Variants in CROT observed in about 807,000 individuals in gnomAD.
The protein encoded by CROT is carnitine O-octanoyltransferase.
In CROT, 84 loss-of-function variants were observed where a neutral mutation model predicts 89.2. That is an observed-to-expected ratio of 0.94 (90% CI 0.79 to 1.13). The LOEUF (loss-of-function observed/expected upper bound fraction) is 1.13. Ranked by LOEUF, CROT falls within the 50% of genes most tolerant of loss-of-function variation. CROT has a pLI of 0.00. For synonymous variants in CROT, 212 were observed against 239.5 expected, an observed-to-expected ratio of 0.89 and a Z score of 1.06; for missense variants, 711 against 727.8, an observed-to-expected ratio of 0.98 and a Z score of 0.27.
At position 87,375,663 on chromosome 7, in the gene CROT, A is replaced by G. The variant is rs1434077168; in HGVS notation, c.688A>G (p.Ser230Gly). The stretch of plus-strand genomic sequence containing the variant: ...GACATATATCCACAAGAAGTGCCAT[A>G]GTGAACCTGATGGACCTGGGATTGC... ...QLTYIHKKCHSEPDGPGIAAL... is the reference protein window; with the variant it reads ...QLTYIHKKCHGEPDGPGIAAL... The change falls in exon 8 of 18, where the codon AGT becomes GGT. Residue 230 changes from serine (S) to glycine (G), a missense_variant. Ser to Gly is a moderately conservative substitution (Grantham distance 56). Coordinates refer to ENST00000331536, the MANE Select transcript of CROT (RefSeq NM_021151.4). 1.2e-6 allele frequency: 2 copies of G among 1,613,432 alleles called. No individual in the cohort carries two copies. The highest frequency in any genetic ancestry group is 1.7e-6 in the Non-Finnish European group (2 of 1,179,424).
chr7:87,361,724 A>G lies in CROT; in HGVS notation c.423-4A>G. On this transcript the variant is annotated splice_polypyrimidine_tract_variant and splice_region_variant and intron_variant, in intron 5 of 17. Coordinates refer to ENST00000331536, the MANE Select transcript of CROT (RefSeq NM_021151.4). ...CTTTTTGATCAAAATCCTTTTTTTA[A>G]TAGAGAAAAAGTGCCTGTTCATAAA... 7 of 1,568,590 alleles carry G rather than the reference A, an allele frequency of 4.5e-6. No homozygotes were observed. Among genetic ancestry groups the G allele is most frequent in the Non-Finnish European group, 6.0e-6 (7 of 1,162,934 alleles).
intron 7 of CROT, among the ~76,000 whole-genome samples, chr7:87,372,063 T>C (rs2115903781): frequency 6.7e-6 from 1 of 149,728 alleles, no homozygotes; most frequent in Non-Finnish European, 1.5e-5. Context: ...TGAAAAATGG[T>C]TTTCATTGTT....
At chr7:87,384,678 C>A (rs567738375) in intron 13 of CROT, among the ~76,000 whole-genome samples, 1 of 152,238 alleles carries the variant, frequency 6.6e-6, no homozygotes, top group African/African-American at 2.4e-5. Context: ...CTGTGGGCTG[C>A]TGATTGTTTC....
rs904460682 is a variant in CROT, at chr7:87,389,443, A to C, written c.1302-2146A>C. Among the ~76,000 whole-genome samples, 71 of 152,356 alleles carry C rather than the reference A, an allele frequency of 4.7e-4. 1 individual carries two copies. Among genetic ancestry groups the C allele is most frequent in the Non-Finnish European group, 2.2e-4 (15 of 68,044 alleles). ...ATACACCATGGAATACTATGCAGCC[A>C]TAAAAGAGGATGAGTTCATGTCCTT... On this transcript the variant is annotated intron_variant, in intron 13 of 17. Coordinates refer to ENST00000331536, the MANE Select transcript of CROT (RefSeq NM_021151.4).
At chr7:87,355,250 C>T (rs1293957430) in intron 3 of CROT, among the ~76,000 whole-genome samples, 1 of 151,982 alleles carries the variant, frequency 6.6e-6, no homozygotes, top group Non-Finnish European at 1.5e-5. Context: ...TAGACATGTA[C>T]CACCACACCA....
Position 87,372,846 on chromosome 7 carries a change from A to C in CROT, c.657-2786A>C, listed in dbSNP as rs527538418. Among the ~76,000 whole-genome samples the C allele has an allele frequency of 3.9e-5, 6 of 152,190 alleles. 1 individual carries two copies. The South Asian group carries it at 8.3e-4, about 21-fold the overall frequency. On this transcript the variant is annotated intron_variant, in intron 7 of 17. Transcript: ENST00000331536. ...ACAGATATGCCACATTTTATTAACT[A>C]TTCATCAGTTGATGGACATTTGAGT...
chr7:87,366,370 C>T (rs1339695065), intron 6 of CROT, among the ~76,000 whole-genome samples: 1 of 152,094 alleles, frequency 6.6e-6, no homozygotes, highest in East Asian at 1.9e-4. Context: ...AAAAAAAATG[C>T]CTTCAGGTTA....
Position 87,398,449 on chromosome 7 carries a change from T to TA in CROT, c.1719-72dup, listed in dbSNP as rs1313460220. The stretch of plus-strand genomic sequence containing the variant: ...TTCATGTATGAATATCCAGATGAAA[T>TA]AAAGTCCTGGTTGTATTCACCATCA... On this transcript the variant is annotated intron_variant, in intron 17 of 17. Transcript: ENST00000331536. The TA allele has an allele frequency of 2.3e-5, 35 of 1,547,612 alleles. No individual in the cohort carries two copies. The Middle Eastern group carries it at 5.1e-4, about 22-fold the overall frequency.
Position 87,390,237 on chromosome 7 carries a change from C to A in CROT, c.1302-1352C>A, listed in dbSNP as rs73196430. Among the ~76,000 whole-genome samples, 1,206 of 152,254 alleles carry A rather than the reference C, an allele frequency of 7.9e-3. 8 individuals are homozygous for A. Among genetic ancestry groups the A allele is most frequent in the Middle Eastern group, 0.034 (10 of 294 alleles). ...TCCAATAGTTAATGCTCTTTGCTTT[C>A]TACTCCATCTTTTAAGATTAAGAGT... On this transcript the variant is annotated intron_variant, in intron 13 of 17. Transcript: ENST00000331536.
rs1805715294 is a variant in CROT at position 87,347,282 on chromosome 7, G to C, written c.-22+852G>C. On this transcript the variant is annotated intron_variant, in intron 2 of 17. Transcript: ENST00000331536. ...GGGGATTAGCAGGGGTGGAATCTTG[G>C]GGGCCATTCATAGTAATTGTGCCTA... 2.6e-5 allele frequency among the ~76,000 whole-genome samples: 4 copies of C among 152,286 alleles called. No individual in the cohort carries two copies. The South Asian group carries it at 8.3e-4, about 32-fold the overall frequency.
At position 87,391,445 on chromosome 7, in the gene CROT, G is replaced by T. The variant is rs563253016; in HGVS notation, c.1302-144G>T. 1.3e-5 allele frequency: 9 copies of T among 700,708 alleles called. No individual in the cohort carries two copies. The African/African-American group carries it at 1.5e-4, about 12-fold the overall frequency. The allele number at this position is 700,708 out of a possible 1,614,324, so 43.4% of individuals were successfully genotyped here. ...TTTTGCTCTTTGGTATTGGAAATAG[G>T]CTCTTTTTTGTTGAAAGTCTCCAAC... On this transcript the variant is annotated intron_variant, in intron 13 of 17. Transcript: ENST00000331536.
rs182580937 is a variant in CROT at position 87,353,178 on chromosome 7, C to T, written c.115+3995C>T. Among the ~76,000 whole-genome samples, 165 of 151,676 alleles carry T rather than the reference C, an allele frequency of 1.1e-3. 1 individual carries two copies. The highest frequency in any genetic ancestry group is 3.9e-3 in the African/African-American group (161 of 41,332). On this transcript the variant is annotated intron_variant, in intron 3 of 17. Coordinates refer to ENST00000331536, the MANE Select transcript of CROT (RefSeq NM_021151.4). ...TTCTTTTTTTTTTGAAACATGGTCT[C>T]GTTCCGTTGCCCAGGCTGGAGTGCA...
In CROT at chr7:87,364,329, G is replaced by A. The variant is rs78143768; in HGVS notation, c.547+2477G>A. Among the ~76,000 whole-genome samples the A allele has an allele frequency of 5.8e-3, 887 of 152,226 alleles. 8 individuals carry two copies. Among genetic ancestry groups the A allele is most frequent in the African/African-American group, 0.02 (835 of 41,534 alleles). ...CTGTATTTTCCAATCAGAGGAGGAG[G>A]AGCCAGCAAAGGAGACCAAGGGAAG... On this transcript the variant is annotated intron_variant, in intron 6 of 17. Transcript: ENST00000331536.
intron 2 of CROT, among the ~76,000 whole-genome samples, chr7:87,347,723 G>T (rs914886002): frequency 1.3e-5 from 2 of 152,052 alleles, no homozygotes; most frequent in African/African-American, 4.8e-5. Context: ...ACATCTAGAG[G>T]TAGGAGTCCA....
intron 4 of CROT, 108 bp from the exon 5 acceptor site, chr7:87,361,282 G>A (rs941104363): frequency 6.1e-6 from 7 of 1,155,240 alleles, no homozygotes; most frequent in Admixed American, 2.3e-5. Flanking sequence ...GTTTTTAAAT[G>A]TTGAAGAATA....
intron 2 of CROT, among the ~76,000 whole-genome samples, chr7:87,347,180 T>C (rs1805711105): frequency 6.6e-6 from 1 of 152,208 alleles, no homozygotes; most frequent in Non-Finnish European, 1.5e-5. Context: ...AATTCGATAA[T>C]ATCCCTATTT....
At chr7:87,384,393 G>A (rs921206122) in intron 13 of CROT, among the ~76,000 whole-genome samples, 3 of 152,072 alleles carry the variant, frequency 2.0e-5, no homozygotes, top group African/African-American at 2.4e-5. Flanking sequence ...TTAGCCTGAT[G>A]TAGGGGCACA....
rs151172948 is a variant in CROT, at chr7:87,382,432, C to A, written c.1190C>A (p.Ala397Glu). 2 of 1,613,030 alleles carry A rather than the reference C, an allele frequency of 1.2e-6. No individual in the cohort carries two copies. The highest frequency in any genetic ancestry group is 1.1e-5 in the South Asian group (1 of 90,878). The stretch of plus-strand genomic sequence containing the variant: ...TGTTAGGCATCTGATCTACAGATTG[C>A]GGCTTATGCCTTTACATCTTTTGGC... ...YLREASDLQIAAYAFTSFGKK... is the reference protein window; with the variant it reads ...YLREASDLQIEAYAFTSFGKK... The change falls in exon 13 of 18, where the codon GCG becomes GAG. Residue 397 changes from alanine (A) to glutamate (E), a missense_variant. Transcript: ENST00000331536.
intron 17 of CROT, among the ~76,000 whole-genome samples, chr7:87,396,003 A>G (rs1035439848): frequency 6.6e-6 from 1 of 152,226 alleles, no homozygotes; most frequent in Non-Finnish European, 1.5e-5. Context: ...AGCCCAAAAC[A>G]ATAAATTTCT....
Sources: gnomAD v4.1 joint callset for allele counts (sites outside exome capture counted in the v4.1 genomes callset) on GRCh38, gnomAD v4.1.1 for gene constraint, MANE v1.5 for transcripts, NCBI Gene and HGNC (gene_info 2026-07-23, HGNC 2026-07-21) for gene names.